The following TCF25 variants were observed in gnomAD, a reference collection of about 807,000 sequenced individuals.
TCF25 encodes ribosome quality control complex subunit TCF25.
TCF25 carries 41 observed loss-of-function variants against 83.1 expected under a neutral mutation model. The observed-to-expected ratio is 0.49, with a 90% CI of 0.38 to 0.64. TCF25 has a LOEUF of 0.64. Ranked by LOEUF, TCF25 falls within the 30% of genes least tolerant of loss-of-function variation. The pLI, the probability that TCF25 is intolerant of heterozygous loss-of-function variation, is 0.00. For missense variants in TCF25, 979 were observed against 914.5 expected, an observed-to-expected ratio of 1.07 and a Z score of -0.91; for synonymous variants, 458 against 365.0, an observed-to-expected ratio of 1.25 and a Z score of -2.90.
chr16:89,909,446 G>A (rs2045354190), intron 16 of TCF25: 1 of 224,860 alleles, frequency 4.4e-6, no homozygotes, highest in Non-Finnish European at 9.1e-6. Context: ...GGGAGGCACA[G>A]GTTGCAGTGA....
intron 11 of TCF25, among the ~76,000 whole-genome samples, 169 bp from the exon 12 acceptor site, chr16:89,900,466 G>T (rs1448739861): frequency 6.6e-6 from 1 of 152,146 alleles, no homozygotes; most frequent in Non-Finnish European, 1.5e-5. Context: ...AGCCCCCCAG[G>T]TGGACGTTTT....
At chr16:89,907,936 C>G (rs1332197581) in intron 16 of TCF25, among the ~76,000 whole-genome samples, 1 of 132,784 alleles carries the variant, frequency 7.5e-6, no homozygotes, top group Admixed American at 7.4e-5. Context: ...CCTCCCAGTT[C>G]CCAGCTCCCA....
chr16:89,882,908 T>C (rs919496380), intron 1 of TCF25, among the ~76,000 whole-genome samples: 18 of 152,148 alleles, frequency 1.2e-4, no homozygotes, highest in Non-Finnish European at 8.8e-5. Context: ...TAGGAAAAGT[T>C]TGTAGGTTGA....
chr16:89,874,667 A>G (rs2042035463), intron 1 of TCF25: 3 of 152,210 alleles, frequency 2.0e-5, no homozygotes, highest in African/African-American at 7.2e-5. Context: ...GTTTTCTCCT[A>G]AGCCCTGGCC....
At chr16:89,906,610 C>T (rs561099817) in intron 15 of TCF25, among the ~76,000 whole-genome samples, 6 of 152,340 alleles carry the variant, frequency 3.9e-5, no homozygotes, top group Admixed American at 1.3e-4. Context: ...TAGTCCTGCT[C>T]TGACGCCTCC....
intron 1 of TCF25, among the ~76,000 whole-genome samples, chr16:89,877,260 A>T (rs181875828): frequency 1.3e-5 from 2 of 151,988 alleles, no homozygotes; most frequent in Non-Finnish European, 1.5e-5. Context: ...CTGGAGTTCA[A>T]TGTCACAATT....
At chr16:89,904,054 TG>T in intron 12 of TCF25, 63 bp from the exon 13 acceptor site, 1 of 1,526,818 alleles carries the variant, frequency 6.5e-7, no homozygotes, top group Non-Finnish European at 9.0e-7. Flanking sequence ...CTTACTGCCT[TG>T]GGGGCTAGGA....
At position 89,896,096 on chromosome 16, in the gene TCF25, GCCCTGGAGGTGACGCAGCTC is replaced by G. The variant is rs2043826578; in HGVS notation, c.1022+18_1022+37del. 6.2e-7 allele frequency: 1 copy of G among 1,611,952 alleles called. No individual in the cohort carries two copies. Among genetic ancestry groups the G allele is most frequent in the African/African-American group, 1.3e-5 (1 of 74,908 alleles). The stretch of plus-strand genomic sequence containing the variant: ...GACCCGAGAACAGGTGAGTGCAGCT[GCCCTGGAGGTGACGCAGCTC>G]CCCTTCCCTTCTCCTGCGAGTGAGG... On this transcript the variant is annotated intron_variant, in intron 9 of 17. Coordinates refer to ENST00000263346, the MANE Select transcript of TCF25 (RefSeq NM_014972.3).
chr16:89,877,117 T>TA (rs747871760), intron 1 of TCF25, among the ~76,000 whole-genome samples: 2,133 of 150,422 alleles, frequency 0.014, 60 homozygotes, highest in African/African-American at 0.051. Flanking sequence ...AATAAATAAA[T>TA]AAATAAATAA....
intron 3 of TCF25, among the ~76,000 whole-genome samples, chr16:89,885,102 C>CGCCCTCTCCCTCTGCCTGAT (rs1567702786): frequency 1.2e-4 from 14 of 116,842 alleles, no homozygotes; most frequent in African/African-American, 5.1e-4. Flanking sequence ...CTCTGCCTGA[C>CGCCCTCTCCCTCTGCCTGAT]GCCCTCTCCC....
chr16:89,889,489 T>C (rs1597314112), intron 5 of TCF25: 1 of 203,130 alleles, frequency 4.9e-6, no homozygotes, highest in South Asian at 6.8e-5. Context: ...ACACATCCTG[T>C]TTTATTGGAC....
chr16:89,908,679 C>T (rs2045259450), intron 16 of TCF25, among the ~76,000 whole-genome samples: 1 of 136,968 alleles, frequency 7.3e-6, no homozygotes. Context: ...CTCCCTCCTC[C>T]CAGCTCCCAC....
chr16:89,908,840 G>GCAGCTCCCAGCTCC (rs1175315566), intron 16 of TCF25: 2 of 791,638 alleles, frequency 2.5e-6, no homozygotes, highest in South Asian at 2.0e-5. Context: ...CTCCCACCTC[G>GCAGCTCCCAGCTCC]CAGCTCCCAG....
intron 15 of TCF25, among the ~76,000 whole-genome samples, chr16:89,906,584 C>T (rs1567738971): frequency 6.6e-6 from 1 of 152,180 alleles, no homozygotes; most frequent in African/African-American, 2.4e-5. Flanking sequence ...GGGGGATTCT[C>T]TGTAGTCGTG....
intron 4 of TCF25, among the ~76,000 whole-genome samples, chr16:89,886,795 G>T (rs1430116413): frequency 2.0e-5 from 3 of 151,746 alleles, no homozygotes; most frequent in Non-Finnish European, 4.4e-5. Context: ...AAATTAGCTG[G>T]ATGTGGTGGT....
At chr16:89,883,822 G>C (rs62052172) in intron 2 of TCF25, 43,891 of 269,620 alleles carry the variant, frequency 0.16, 4,387 homozygotes, top group African/African-American at 0.39. Context: ...GCACGTGTGT[G>C]CCTCCTAGCC....
At chr16:89,907,127 T>A in intron 15 of TCF25, 116 bp from the exon 16 acceptor site, 1 of 1,023,984 alleles carries the variant, frequency 9.8e-7, no homozygotes, top group Admixed American at 1.8e-5. Flanking sequence ...ACTCTGTGGC[T>A]ATCTCTCAGC....
intron 16 of TCF25, chr16:89,910,336 C>T (rs767121931): frequency 2.9e-5 from 16 of 550,434 alleles, no homozygotes; most frequent in Admixed American, 6.5e-5. Flanking sequence ...TCGCTCCGGA[C>T]GCCACGCCTG....
chr16:89,890,907 G>C (rs1363006764), intron 5 of TCF25, among the ~76,000 whole-genome samples: 1 of 151,876 alleles, frequency 6.6e-6, no homozygotes, highest in Non-Finnish European at 1.5e-5. Context: ...AGACTTACAT[G>C]GAGAAGCCAC....
Sources: gnomAD v4.1 joint callset for allele counts (sites outside exome capture counted in the v4.1 genomes callset) on GRCh38, gnomAD v4.1.1 for gene constraint, MANE v1.5 for transcripts, NCBI Gene and HGNC (gene_info 2026-07-23, HGNC 2026-07-21) for gene names.